The following NYAP2 variants were observed in gnomAD, a reference collection of about 807,000 sequenced individuals.
NYAP2 encodes neuronal tyrosine-phosphorylated phosphoinositide-3-kinase adapter 2.
NYAP2 carries 23 observed loss-of-function variants against 50.4 expected under a neutral mutation model. The observed-to-expected ratio is 0.46, with a 90% confidence interval of 0.33 to 0.65. The LOEUF (loss-of-function observed/expected upper bound fraction) is 0.65, where lower values mean the gene tolerates loss of function less well. Ranked by LOEUF, NYAP2 falls within the 30% of genes least tolerant of loss-of-function variation. The probability of loss-of-function intolerance (pLI) is 0.02; values close to 1 mark genes in which losing one functional copy is unlikely to be tolerated. For synonymous variants in NYAP2, 394 were observed against 365.2 expected, an observed-to-expected ratio of 1.08 and a Z score of -0.90; for missense variants, 885 against 861.0, an observed-to-expected ratio of 1.03 and a Z score of -0.35.
chr2:225,464,441 T>C (rs1176076604), intron 3 of NYAP2, among the ~76,000 whole-genome samples: 4 of 152,042 alleles, frequency 2.6e-5, no homozygotes, highest in South Asian at 2.1e-4. Flanking sequence ...TAGGTAGACA[T>C]CTCTGGATCA....
the NYAP2 span, among the ~76,000 whole-genome samples, chr2:225,683,017 C>A: frequency 6.6e-6 from 1 of 152,086 alleles, no homozygotes; most frequent in Non-Finnish European, 1.5e-5. Flanking sequence ...ATTTCCCCCC[C>A]CCATTCTGTT....
At chr2:225,549,026 A>G (rs1340586867) in intron 4 of NYAP2, among the ~76,000 whole-genome samples, 5 of 151,992 alleles carry the variant, frequency 3.3e-5, no homozygotes, top group Non-Finnish European at 5.9e-5. Context: ...GACTATAGGC[A>G]TGCACTACCA....
chr2:225,426,667 T>C lies in NYAP2; in HGVS notation c.221+17566T>C, dbSNP rs559416858. 1.4e-4 allele frequency among the ~76,000 whole-genome samples: 21 copies of C among 152,314 alleles called. No homozygotes were observed. The East Asian group carries it at 3.9e-3, about 28-fold the overall frequency. Reference sequence around the variant, plus strand: ...CATAAATCCCCAAAGTATGAAACGATTCTTTTGGCTTGCATATTTGTTCAC... The same window carrying C: ...CATAAATCCCCAAAGTATGAAACGACTCTTTTGGCTTGCATATTTGTTCAC... On this transcript the variant is annotated intron_variant, in intron 3 of 6. Transcript: ENST00000636099.
intron 4 of NYAP2, among the ~76,000 whole-genome samples, chr2:225,571,288 C>A (rs571648187): frequency 6.6e-6 from 1 of 152,202 alleles, no homozygotes; most frequent in Non-Finnish European, 1.5e-5. Flanking sequence ...CCTCTTCTCA[C>A]AGCTCCATTA....
At chr2:225,661,101 G>A in the NYAP2 span, among the ~76,000 whole-genome samples, 1 of 152,148 alleles carries the variant, frequency 6.6e-6, no homozygotes, top group Non-Finnish European at 1.5e-5. Context: ...ATTCCTTCTT[G>A]ATTTCTTTTG....
At chr2:225,640,122 C>T (rs13400632) in intron 6 of NYAP2, among the ~76,000 whole-genome samples, 27,012 of 152,046 alleles carry the variant, frequency 0.18, 2,808 homozygotes, top group East Asian at 0.42. Context: ...TTTATGATCA[C>T]CCATCCTAAA....
At chr2:225,579,027 C>G (rs577228750) in intron 4 of NYAP2, among the ~76,000 whole-genome samples, 2 of 152,090 alleles carry the variant, frequency 1.3e-5, no homozygotes, top group East Asian at 3.9e-4. Context: ...ATACGGCATG[C>G]ACGTGCACGC....
At chr2:225,615,001 G>C (rs1692963611) in intron 5 of NYAP2, among the ~76,000 whole-genome samples, 2 of 152,170 alleles carry the variant, frequency 1.3e-5, no homozygotes, top group Admixed American at 1.3e-4. Context: ...GGGTGTGACA[G>C]CCTCTAAAAT....
intron 3 of NYAP2, among the ~76,000 whole-genome samples, chr2:225,462,832 A>T (rs1241287734): frequency 6.6e-6 from 1 of 152,112 alleles, no homozygotes; most frequent in Non-Finnish European, 1.5e-5. Flanking sequence ...GTGGCATCTG[A>T]CTGTTTACCC....
At chr2:225,606,925 A>G (rs757480075) in intron 5 of NYAP2, among the ~76,000 whole-genome samples, 19 of 152,216 alleles carry the variant, frequency 1.2e-4, no homozygotes, top group Middle Eastern at 3.4e-3. Flanking sequence ...GGCAGCACCT[A>G]AGGATATTTT....
chr2:225,623,126 A>C lies in NYAP2; in HGVS notation c.1619-3791A>C, dbSNP rs1056783212. Among the ~76,000 whole-genome samples the C allele has an allele frequency of 2.6e-5, 4 of 152,236 alleles. No homozygotes were observed. The South Asian group carries it at 8.3e-4, about 31-fold the overall frequency. On this transcript the variant is annotated intron_variant, in intron 5 of 6. Coordinates refer to ENST00000636099, the Ensembl canonical transcript of NYAP2. ...CATTTAAAAACCTGAAATCTTTCTGAGACTGTATTGGAAGAGACTATAGCA... is the reference window on the plus strand; with the variant it reads ...CATTTAAAAACCTGAAATCTTTCTGCGACTGTATTGGAAGAGACTATAGCA...
intron 6 of NYAP2, 118 bp downstream of exon 6, chr2:225,627,244 C>A: frequency 1.3e-6 from 1 of 742,078 alleles, no homozygotes; most frequent in Non-Finnish European, 2.3e-6. Flanking sequence ...CAGAGAGGCA[C>A]CACAAGTAAC....
chr2:225,499,519 T>G (rs1323324922), intron 3 of NYAP2, among the ~76,000 whole-genome samples: 1 of 151,966 alleles, frequency 6.6e-6, no homozygotes, highest in Non-Finnish European at 1.5e-5. Context: ...GGTTTCATAG[T>G]GTTAGCCAGG....
At chr2:225,657,203 A>G (rs909175052), downstream of NYAP2, among the ~76,000 whole-genome samples, 2 of 145,596 alleles carry the variant, frequency 1.4e-5, no homozygotes, top group Non-Finnish European at 3.0e-5. Context: ...CTCCACCTCC[A>G]AGTTCAACTG....
At chr2:225,465,967 A>G (rs529801116) in intron 3 of NYAP2, among the ~76,000 whole-genome samples, 2 of 152,336 alleles carry the variant, frequency 1.3e-5, no homozygotes, top group African/African-American at 4.8e-5. Context: ...ACTCTTAAGA[A>G]GCAATCAGCA....
intron 6 of NYAP2, among the ~76,000 whole-genome samples, chr2:225,644,941 TAA>T (rs1381825169): frequency 3.9e-5 from 6 of 152,092 alleles, no homozygotes; most frequent in African/African-American, 7.2e-5. Flanking sequence ...TTTGGTTCCA[TAA>T]AAAGCAATGA....
chr2:225,585,878 A>G (rs1208832867), intron 5 of NYAP2, among the ~76,000 whole-genome samples: 1 of 152,206 alleles, frequency 6.6e-6, no homozygotes, highest in Non-Finnish European at 1.5e-5. Context: ...CAGTACACTC[A>G]TGGATACAAT....
At chr2:225,685,876 T>C in the NYAP2 span, among the ~76,000 whole-genome samples, 15 of 152,224 alleles carry the variant, frequency 9.9e-5, no homozygotes, top group Non-Finnish European at 2.2e-4. Flanking sequence ...TTAGATATTC[T>C]TCACAACTTT....
intron 4 of NYAP2, among the ~76,000 whole-genome samples, chr2:225,553,934 C>T (rs76773493): frequency 6.6e-6 from 1 of 152,096 alleles, no homozygotes; most frequent in African/African-American, 2.4e-5. Flanking sequence ...GCAGGAGAAT[C>T]GCTTGAACTC....
Sources: allele counts gnomAD v4.1 joint callset (sites outside exome capture counted in the v4.1 genomes callset), GRCh38; gene constraint gnomAD v4.1.1; transcripts MANE v1.5; gene names NCBI Gene and HGNC (gene_info 2026-07-23, HGNC 2026-07-21).